Variants in ATP13A4 observed in about 807,000 individuals in gnomAD.
The protein encoded by ATP13A4 is ATPase 13A4.
A neutral mutation model predicts 142.5 loss-of-function variants in ATP13A4; 114 were observed. The ratio of observed to expected loss-of-function variants is 0.80; its 90% confidence interval spans 0.69 to 0.93. The LOEUF (loss-of-function observed/expected upper bound fraction) is 0.93, where lower values mean the gene tolerates loss of function less well. ATP13A4 is among the 40% of genes least tolerant of loss of function. The pLI, the probability that ATP13A4 is intolerant of heterozygous loss-of-function variation, is 0.00. For missense variants in ATP13A4, 1,392 were observed against 1,454.0 expected (o/e 0.96, Z 0.69); for synonymous variants, 488 against 514.8 (o/e 0.95, Z 0.70).
chr3:193,572,004 G>T (rs1724276422), intron 2 of ATP13A4, among the ~76,000 whole-genome samples: 1 of 152,140 alleles, frequency 6.6e-6, no homozygotes, highest in African/African-American at 2.4e-5. Flanking sequence ...AACAAAACAG[G>T]AAGCCGCCCA....
rs1412794106 is a variant in ATP13A4, at chr3:193,514,763, G to C, written c.169C>G (p.His57Asp). The change falls in exon 2 of 30, where the codon CAC (histidine) becomes GAC (aspartate). Residue 57 changes from histidine to aspartate, a missense_variant. His to Asp is a moderately conservative substitution (Grantham distance 81, BLOSUM62 -1). Transcript: ENST00000342695. The stretch of plus-strand genomic sequence containing the variant: ...CATGGGACACAATGTGCCCATACGT[G>C]CCATGCTGGTCTCCAGTAAAACACC... ...PLVFYWRPAW[H>D]VWAHCVPCSL... 1 of 1,614,224 alleles carries C rather than the reference G, an allele frequency of 6.2e-7. No homozygotes were observed. The highest frequency in any genetic ancestry group is 1.7e-5 in the Admixed American group (1 of 60,030).
At chr3:193,518,066 C>T (rs1271532180) in intron 1 of ATP13A4, among the ~76,000 whole-genome samples, 1 of 152,118 alleles carries the variant, frequency 6.6e-6, no homozygotes, top group African/African-American at 2.4e-5. Context: ...ATTTGTCCCC[C>T]AGTTATTTTC....
intron 2 of ATP13A4, among the ~76,000 whole-genome samples, chr3:193,579,814 G>T (rs967060051): frequency 6.6e-6 from 1 of 152,176 alleles, no homozygotes; most frequent in Non-Finnish European, 1.5e-5. Context: ...TCAACTGATA[G>T]AATCACTGAA....
At chr3:193,459,313 T>TA (rs370306319) in intron 13 of ATP13A4, 82 bp from the exon 14 acceptor site, 13 of 1,518,150 alleles carry the variant, frequency 8.6e-6, no homozygotes, top group Middle Eastern at 2.2e-4. Context: ...AACATCTTTA[T>TA]AAAAAAATAA....
At position 193,442,575 on chromosome 3, in the gene ATP13A4, A is replaced by G. The variant is rs1228189480; in HGVS notation, c.2153-19T>C. 8.1e-6 allele frequency: 13 copies of G among 1,609,120 alleles called. No homozygotes were observed. The highest frequency in any genetic ancestry group is 9.4e-6 in the Non-Finnish European group (11 of 1,175,998). On this transcript the variant is annotated intron_variant, in intron 18 of 29. Coordinates refer to ENST00000342695, the MANE Select transcript of ATP13A4 (RefSeq NM_032279.4). ...TTGTCACCTAGAGGAAAGGAGGAGT[A>G]TCTCAAGATGAGGTTGACAAGATTG...
intron 3 of ATP13A4, among the ~76,000 whole-genome samples, chr3:193,497,051 A>G (rs1182983241): frequency 1.3e-5 from 2 of 152,132 alleles, no homozygotes; most frequent in Non-Finnish European, 2.9e-5. Context: ...AAGCTACCCC[A>G]AAACAAAAAT....
intron 8 of ATP13A4, among the ~76,000 whole-genome samples, chr3:193,475,277 A>G (rs1718900176): frequency 6.6e-6 from 1 of 152,112 alleles, no homozygotes; most frequent in Non-Finnish European, 1.5e-5. Flanking sequence ...CTGAATAAAC[A>G]ATGGCTCCTC....
rs145321639 is a variant in ATP13A4, at chr3:193,466,097, C to G, written c.1200G>C (p.Arg400Ser). The change falls in exon 11 of 30, where the codon AGG (arginine) becomes AGC (serine). Residue 400 changes from arginine (R) to serine (S), a missense_variant. Arg to Ser is a moderately radical substitution (Grantham distance 110). Coordinates refer to ENST00000342695, the MANE Select transcript of ATP13A4 (RefSeq NM_032279.4). ...VNFQLYRDAI[R>S]FLLCLVGTAT... Reference sequence around the variant, plus strand: ...CTGTTCCTACAAGGCACAGGAGGAACCTGATGGCATCCCTGTACAACTGAA... The same window carrying G: ...CTGTTCCTACAAGGCACAGGAGGAAGCTGATGGCATCCCTGTACAACTGAA... 22 of 1,614,014 alleles carry G rather than the reference C, an allele frequency of 1.4e-5. No homozygotes were observed. In the Admixed American group the frequency reaches 2.3e-4, roughly 17 times the overall value.
chr3:193,483,623 C>A (rs1457871658), intron 8 of ATP13A4, among the ~76,000 whole-genome samples: 2 of 152,012 alleles, frequency 1.3e-5, no homozygotes, highest in Non-Finnish European at 2.9e-5. Flanking sequence ...CGCCACCACG[C>A]CCGGCTAATT....
At chr3:193,476,262 C>A (rs941391713) in intron 8 of ATP13A4, among the ~76,000 whole-genome samples, 6 of 152,094 alleles carry the variant, frequency 3.9e-5, no homozygotes, top group Non-Finnish European at 1.5e-5. Context: ...ACTGCTACTT[C>A]CCCGTCCATT....
chr3:193,517,543 C>G (rs913114150), intron 1 of ATP13A4, among the ~76,000 whole-genome samples: 8 of 152,146 alleles, frequency 5.3e-5, no homozygotes, highest in Non-Finnish European at 1.2e-4. Context: ...TACAGTGGCG[C>G]GATCTCGGCT....
At chr3:193,448,471 G>A in intron 17 of ATP13A4, 141 bp from the exon 18 acceptor site, 2 of 1,052,462 alleles carry the variant, frequency 1.9e-6, no homozygotes, top group Admixed American at 2.0e-5. Context: ...AAGTAACTGG[G>A]ATTATAGGTG....
At chr3:193,546,190 C>T (rs1313087605) in intron 1 of ATP13A4, among the ~76,000 whole-genome samples, 1 of 151,952 alleles carries the variant, frequency 6.6e-6, no homozygotes, top group African/African-American at 2.4e-5. Context: ...TTACATTTGG[C>T]CCTCCCTTAG....
At chr3:193,510,997 C>T (rs1721112748) in intron 2 of ATP13A4, among the ~76,000 whole-genome samples, 1 of 151,938 alleles carries the variant, frequency 6.6e-6, no homozygotes, top group Non-Finnish European at 1.5e-5. Context: ...TATTGGTGCC[C>T]AAAGCTTATT....
At chr3:193,556,889 A>G (rs1003648147), upstream of ATP13A4, among the ~76,000 whole-genome samples, 29 of 152,318 alleles carry the variant, frequency 1.9e-4, no homozygotes, top group Non-Finnish European at 3.8e-4. Context: ...CATATTCCAA[A>G]TTTCATCTCA....
At chr3:193,475,613 C>A (rs75979343) in intron 8 of ATP13A4, among the ~76,000 whole-genome samples, 1 of 151,892 alleles carries the variant, frequency 6.6e-6, no homozygotes. Flanking sequence ...CCTGGAATGT[C>A]TTCTGTCTTA....
chr3:193,588,764 G>A (rs1357358087), intron 1 of ATP13A4, among the ~76,000 whole-genome samples: 1 of 152,062 alleles, frequency 6.6e-6, no homozygotes, highest in Admixed American at 6.5e-5. Context: ...TCACATTAAT[G>A]TTTACCTTTT....
At chr3:193,538,201 G>T (rs1289651030) in intron 1 of ATP13A4, among the ~76,000 whole-genome samples, 3 of 152,114 alleles carry the variant, frequency 2.0e-5, no homozygotes, top group Non-Finnish European at 4.4e-5. Context: ...GCTGGAATAG[G>T]TATCTCCAAG....
intron 25 of ATP13A4, among the ~76,000 whole-genome samples, chr3:193,415,555 T>A (rs1007171789): frequency 1.3e-5 from 2 of 152,176 alleles, no homozygotes; most frequent in Non-Finnish European, 2.9e-5. Flanking sequence ...GAGACCCTGG[T>A]CCCTGGTTAC....
Sources: allele counts gnomAD v4.1 joint callset (sites outside exome capture counted in the v4.1 genomes callset), GRCh38; gene constraint gnomAD v4.1.1; transcripts MANE v1.5; gene names NCBI Gene and HGNC (gene_info 2026-07-23, HGNC 2026-07-21).